MECOM: variants seen among roughly 807,000 people sequenced by gnomAD.
The protein encoded by MECOM is MDS1 and EVI1 complex locus.
MECOM carries 13 observed loss-of-function variants against 116.3 expected under a neutral mutation model. The observed-to-expected ratio is 0.11, with a 90% CI of 0.07 to 0.18. The LOEUF (loss-of-function observed/expected upper bound fraction) is 0.18, where lower values mean the gene tolerates loss of function less well. Among genes scored for constraint, MECOM ranks in the 10% least tolerant of loss-of-function variants. The pLI, the probability that MECOM is intolerant of heterozygous loss-of-function variation, is 1.00. For synonymous variants in MECOM, 528 were observed against 535.2 expected (o/e 0.99, Z 0.19); for missense variants, 1,299 against 1,509.0 (o/e 0.86, Z 2.31).
At chr3:169,296,090 G>A (rs1213955163) in intron 2 of MECOM, among the ~76,000 whole-genome samples, 6 of 152,178 alleles carry the variant, frequency 3.9e-5, no homozygotes, top group Non-Finnish European at 8.8e-5. Flanking sequence ...TGAGTGAAAA[G>A]GGAAATGAAA....
At chr3:169,203,669 T>C (rs1162829936) in intron 2 of MECOM, among the ~76,000 whole-genome samples, 1 of 152,152 alleles carries the variant, frequency 6.6e-6, no homozygotes, top group East Asian at 1.9e-4. Context: ...TATTTAAATA[T>C]CTAAGTAAGA....
intron 2 of MECOM, among the ~76,000 whole-genome samples, chr3:169,240,983 T>C (rs1754723896): frequency 6.6e-6 from 1 of 152,202 alleles, no homozygotes; most frequent in African/African-American, 2.4e-5. Flanking sequence ...TGTGAGTAGC[T>C]GCAGGTGTTG....
chr3:169,627,356 T>C (rs1382324401), intron 1 of MECOM, among the ~76,000 whole-genome samples: 1 of 152,230 alleles, frequency 6.6e-6, no homozygotes, highest in Non-Finnish European at 1.5e-5. Context: ...TACTTCTCGC[T>C]ATTCACATGA....
At chr3:169,614,388 T>C (rs1180392165) in intron 1 of MECOM, among the ~76,000 whole-genome samples, 2 of 152,126 alleles carry the variant, frequency 1.3e-5, no homozygotes, top group Admixed American at 6.5e-5. Context: ...TATACACCAC[T>C]GGATTAATTT....
chr3:169,615,327 G>A lies in MECOM; in HGVS notation c.37+48009C>T, dbSNP rs1362779. Among the ~76,000 whole-genome samples the A allele has an allele frequency of 0.016, 2,389 of 152,260 alleles. 217 individuals are homozygous for A. The East Asian group carries it at 0.28, about 18-fold the overall frequency. On this transcript the variant is annotated intron_variant, in intron 1 of 16. Transcript: ENST00000651503. ...GCTGAGACAGTGCTTACACAGAAAT[G>A]GCCCTTGATAAAATATGGGCTGAAT...
At chr3:169,294,091 C>T (rs1300071451) in intron 2 of MECOM, among the ~76,000 whole-genome samples, 3 of 152,136 alleles carry the variant, frequency 2.0e-5, no homozygotes, top group African/African-American at 7.2e-5. Flanking sequence ...TTAAGACACC[C>T]TAGTGATTTT....
intron 2 of MECOM, among the ~76,000 whole-genome samples, chr3:169,217,390 G>T (rs559827926): frequency 4.6e-5 from 7 of 152,180 alleles, no homozygotes; most frequent in Non-Finnish European, 7.4e-5. Flanking sequence ...AGATAACACT[G>T]CTCAAGTTCA....
rs182012579 is a variant in MECOM, at chr3:169,367,139, A to G, written c.375+14048T>C. Among the ~76,000 whole-genome samples the G allele has an allele frequency of 2.0e-5, 3 of 152,192 alleles. No homozygotes were observed. The East Asian group carries it at 5.8e-4, about 30-fold the overall frequency. On this transcript the variant is annotated intron_variant, in intron 2 of 16. Coordinates refer to ENST00000651503, the MANE Select transcript of MECOM (RefSeq NM_004991.4). ...GAATAAGTGTCTCTGTATGACTGAA[A>G]AAACAGAAATGCAGAGTGCTGGATT...
At chr3:169,251,582 G>T (rs77683650) in intron 2 of MECOM, among the ~76,000 whole-genome samples, 1 of 151,998 alleles carries the variant, frequency 6.6e-6, no homozygotes, top group Admixed American at 6.6e-5. Flanking sequence ...TTCAGAAGCC[G>T]CCAGGACCCA....
chr3:169,172,749 C>T (rs1744626166), intron 2 of MECOM, among the ~76,000 whole-genome samples: 1 of 152,092 alleles, frequency 6.6e-6, no homozygotes. Context: ...CTCAGTGGGT[C>T]AGGGGGCTAA....
intron 1 of MECOM, among the ~76,000 whole-genome samples, chr3:169,449,999 G>A (rs548607814): frequency 6.6e-6 from 1 of 152,254 alleles, no homozygotes; most frequent in African/African-American, 2.4e-5. Context: ...CCAATAACAT[G>A]TCAACAATTT....
intron 9 of MECOM, among the ~76,000 whole-genome samples, chr3:169,108,754 G>A (rs988481304): frequency 3.9e-4 from 59 of 152,196 alleles, no homozygotes; most frequent in African/African-American, 1.3e-3. Context: ...AATAGAAGAT[G>A]AAGAACAGAA....
At position 169,116,728 on chromosome 3, in the gene MECOM, G is replaced by A; in HGVS notation, c.1144C>T (p.His382Tyr). ...TTTGAAAACTGAGTATAGGATTTATGGCAGACCTCACCTGTGTGCAAACAA... is the reference window on the plus strand; with the variant it reads ...TTTGAAAACTGAGTATAGGATTTATAGCAGACCTCACCTGTGTGCAAACAA... Reference protein sequence around the residue: ...SVKPFICEVCHKSYTQFSNLC... With the variant: ...SVKPFICEVCYKSYTQFSNLC... The change falls in exon 8 of 17, where the codon CAT (histidine) becomes TAT (tyrosine). Residue 382 changes from histidine (H) to tyrosine (Y), a missense_variant. Physicochemically the swap from His to Tyr is moderately conservative, Grantham distance 83. Around this residue, in one of 6 missense-constraint regions of MECOM, gnomAD observed 42 missense variants for 103.9 expected, o/e 0.40. Transcript: ENST00000651503. 6.2e-7 allele frequency: 1 copy of A among 1,605,228 alleles called. No individual in the cohort carries two copies. Among genetic ancestry groups the A allele is most frequent in the Non-Finnish European group, 8.5e-7 (1 of 1,174,990 alleles).
In MECOM at chr3:169,416,914, C is replaced by T. The variant is rs557638123; in HGVS notation, c.38-35390G>A. ...AAACTGGCTGGCCATATGTAGAAAG[C>T]TGAAACTGGATGCCTTCCTTACACC... On this transcript the variant is annotated intron_variant, in intron 1 of 16. Transcript: ENST00000651503. Among the ~76,000 whole-genome samples the T allele has an allele frequency of 2.6e-5, 4 of 152,244 alleles. No homozygotes were observed. In the South Asian group the frequency reaches 8.3e-4, roughly 32 times the overall value.
chr3:169,367,216 G>A (rs1278545233), intron 2 of MECOM, among the ~76,000 whole-genome samples: 3 of 152,082 alleles, frequency 2.0e-5, no homozygotes. Flanking sequence ...AGCACCTGCT[G>A]GATGTGTGAG....
At chr3:169,303,022 A>G (rs1479710568) in intron 2 of MECOM, among the ~76,000 whole-genome samples, 1 of 152,202 alleles carries the variant, frequency 6.6e-6, no homozygotes, top group Non-Finnish European at 1.5e-5. Context: ...TTGAAGAGAG[A>G]TGACATATAC....
intron 2 of MECOM, among the ~76,000 whole-genome samples, chr3:169,179,085 T>C (rs1559957968): frequency 6.6e-6 from 1 of 152,204 alleles, no homozygotes; most frequent in Non-Finnish European, 1.5e-5. Flanking sequence ...AACATTCACT[T>C]GAAAGGCAAA....
chr3:169,127,047 G>A lies in MECOM; in HGVS notation c.830+797C>T, dbSNP rs146737336. Among the ~76,000 whole-genome samples, 80 of 151,994 alleles carry A rather than the reference G, an allele frequency of 5.3e-4. 1 individual carries two copies. In the South Asian group the frequency reaches 0.013, roughly 24 times the overall value. The stretch of plus-strand genomic sequence containing the variant: ...GAATACAATTATTAAAATTATTTGT[G>A]GACCAAGGCAAAAATCATTAGGTAG... On this transcript the variant is annotated intron_variant, in intron 5 of 16. Transcript: ENST00000651503.
intron 1 of MECOM, among the ~76,000 whole-genome samples, chr3:169,398,340 G>C (rs1735326102): frequency 1.3e-5 from 2 of 152,042 alleles, no homozygotes; most frequent in African/African-American, 4.8e-5. Flanking sequence ...AATATAAATA[G>C]AAAAATGTTC....
Sources: gnomAD v4.1 joint callset for allele counts (sites outside exome capture counted in the v4.1 genomes callset) on GRCh38, gnomAD v4.1.1 for gene constraint, gnomAD v4.1.1 regional missense constraint, MANE v1.5 for transcripts, NCBI Gene and HGNC (gene_info 2026-07-23, HGNC 2026-07-21) for gene names.